The following ARHGEF12 variants were observed in gnomAD, a reference collection of about 807,000 sequenced individuals.
ARHGEF12 encodes the protein KMT2A/ARHGEF12 fusion protein.
ARHGEF12 carries 66 observed loss-of-function variants against 211.2 expected under a neutral mutation model. That is an observed-to-expected ratio of 0.31 (90% CI 0.26 to 0.38). The LOEUF (loss-of-function observed/expected upper bound fraction) is 0.38, where lower values mean the gene tolerates loss of function less well. ARHGEF12 is among the 10% of genes least tolerant of loss of function. ARHGEF12 has a pLI of 1.00. For missense variants in ARHGEF12, 1,429 were observed against 1,869.5 expected, an observed-to-expected ratio of 0.76 and a Z score of 4.34; for synonymous variants, 592 against 638.4, an observed-to-expected ratio of 0.93 and a Z score of 1.09.
At chr11:120,339,373 TCTCTG>T (rs1200119023) in intron 1 of ARHGEF12, among the ~76,000 whole-genome samples, 3 of 152,194 alleles carry the variant, frequency 2.0e-5, no homozygotes, top group Non-Finnish European at 4.4e-5. Flanking sequence ...TAGTATTATT[TCTCTG>T]CCAAGGTGTC....
Position 120,487,912 on chromosome 11 carries a change from C to T in ARHGEF12, c.*2835C>T, listed in dbSNP as rs1328199909. ...CTATATATTTTGCATACTTTAAAAT[C>T]ACCTAACTTGGACTGCTTGAATTAC... is the stretch of plus-strand genomic sequence containing the variant. On this transcript the variant is annotated 3_prime_UTR_variant, in exon 41 of 41. Coordinates refer to ENST00000397843, the MANE Select transcript of ARHGEF12 (RefSeq NM_015313.3). The T allele has an allele frequency of 1.4e-5, 3 of 220,460 alleles. No individual in the cohort carries two copies. The highest frequency in any genetic ancestry group is 1.8e-5 in the Non-Finnish European group (2 of 110,068). 13.7% of individuals were successfully genotyped at this position (220,460 alleles called of 1,614,324 possible).
At chr11:120,370,976 C>T (rs766291327) in intron 1 of ARHGEF12, among the ~76,000 whole-genome samples, 3 of 152,134 alleles carry the variant, frequency 2.0e-5, no homozygotes, top group Non-Finnish European at 4.4e-5. Flanking sequence ...CCCGCTTCGT[C>T]CTTCAAGAAT....
chr11:120,344,078 C>T (rs1019873008), intron 1 of ARHGEF12, among the ~76,000 whole-genome samples: 1 of 151,888 alleles, frequency 6.6e-6, no homozygotes, highest in Non-Finnish European at 1.5e-5. Context: ...CTAGCCTGGT[C>T]AGCATGGTGA....
intron 1 of ARHGEF12, among the ~76,000 whole-genome samples, chr11:120,344,707 T>G (rs1942650082): frequency 6.6e-6 from 1 of 152,186 alleles, no homozygotes; most frequent in Admixed American, 6.5e-5. Context: ...TATAATGATG[T>G]ATTATTATAT....
rs1345110274 is a variant in ARHGEF12 at position 120,489,758 on chromosome 11, C to T, written c.*4681C>T. 2.6e-5 allele frequency: 5 copies of T among 193,780 alleles called. No homozygotes were observed. The highest frequency in any genetic ancestry group is 1.9e-4 in the South Asian group (1 of 5,188). The allele number at this position is 193,780 out of a possible 1,614,324, so 12.0% of individuals were successfully genotyped here. A position where few individuals can be genotyped will look rare whatever the true frequency, so the allele number is the denominator to read the frequency against. On this transcript the variant is annotated 3_prime_UTR_variant, in exon 41 of 41. Coordinates refer to ENST00000397843, the MANE Select transcript of ARHGEF12 (RefSeq NM_015313.3). The stretch of plus-strand genomic sequence containing the variant: ...ATTAAGACTATTCAAATGTACTTTG[C>T]GGAAATTAACCTGTTTGTATGCCTG...
chr11:120,413,641 C>T (rs528415242), intron 4 of ARHGEF12, among the ~76,000 whole-genome samples: 1 of 152,270 alleles, frequency 6.6e-6, no homozygotes, highest in South Asian at 2.1e-4. Flanking sequence ...GCTGGCAAGA[C>T]TGTGCATTTA....
chr11:120,453,889 A>C (rs1946284319), intron 22 of ARHGEF12, among the ~76,000 whole-genome samples: 1 of 152,238 alleles, frequency 6.6e-6, no homozygotes, highest in African/African-American at 2.4e-5. Context: ...AAGAGCAAAA[A>C]TGATGAACTA....
chr11:120,341,647 T>C (rs1942540848), intron 1 of ARHGEF12, among the ~76,000 whole-genome samples: 1 of 152,206 alleles, frequency 6.6e-6, no homozygotes, highest in Non-Finnish European at 1.5e-5. Context: ...AAGGGACTCT[T>C]TTGCATCATG....
In ARHGEF12 at chr11:120,480,186, A is replaced by T; in HGVS notation, c.3993A>T (p.Ser1331=). ...DIATCYSPRT[S]TESFAPRDSV... ...CAACTTGTTACAGTCCACGGACTTC[A>T]ACTGAATCTTTTGCTCCACGGGATT... Residue 1331 remains serine (S), a synonymous_variant, in exon 38 of 41, where the codon TCA becomes TCT. Transcript: ENST00000397843. 1.2e-6 allele frequency: 2 copies of T among 1,614,246 alleles called. No individual in the cohort carries two copies. The highest frequency in any genetic ancestry group is 1.7e-6 in the Non-Finnish European group (2 of 1,180,046).
intron 13 of ARHGEF12, among the ~76,000 whole-genome samples, chr11:120,441,037 G>T (rs1273302862): frequency 3.3e-5 from 5 of 152,160 alleles, no homozygotes; most frequent in Admixed American, 6.5e-5. Flanking sequence ...AACCTCAGTT[G>T]GTCATGATAT....
chr11:120,472,831 A>G (rs1198656686), intron 30 of ARHGEF12, among the ~76,000 whole-genome samples: 4 of 151,346 alleles, frequency 2.6e-5, no homozygotes, highest in African/African-American at 9.7e-5. Flanking sequence ...ATTTTTTTTT[A>G]TTTTTAGTAG....
intron 6 of ARHGEF12, among the ~76,000 whole-genome samples, chr11:120,423,614 G>A (rs1487315594): frequency 6.6e-6 from 1 of 151,776 alleles, no homozygotes; most frequent in Non-Finnish European, 1.5e-5. Flanking sequence ...TTTTTTTCCA[G>A]GAAAAAGCCA....
intron 1 of ARHGEF12, among the ~76,000 whole-genome samples, chr11:120,346,247 A>G (rs557946189): frequency 1.3e-5 from 2 of 152,330 alleles, no homozygotes; most frequent in African/African-American, 4.8e-5. Flanking sequence ...ATCAAATTTC[A>G]GTGGCTTACA....
At chr11:120,416,915 C>T (rs1453526231) in intron 4 of ARHGEF12, among the ~76,000 whole-genome samples, 4 of 152,056 alleles carry the variant, frequency 2.6e-5, no homozygotes, top group Admixed American at 6.6e-5. Flanking sequence ...CTTCCAAATG[C>T]GCCCAGCCAG....
chr11:120,402,548 A>G (rs1408051318), intron 1 of ARHGEF12, among the ~76,000 whole-genome samples: 2 of 152,202 alleles, frequency 1.3e-5, no homozygotes, highest in Non-Finnish European at 2.9e-5. Flanking sequence ...ACCACTATCC[A>G]ATGTAAGAAA....
chr11:120,445,623 G>A (rs1345592053), intron 16 of ARHGEF12, among the ~76,000 whole-genome samples, 159 bp downstream of exon 16: 2 of 152,356 alleles, frequency 1.3e-5, no homozygotes, highest in African/African-American at 4.8e-5. Context: ...ATGAGGCCGG[G>A]CGTAGTGGCT....
chr11:120,386,080 C>T (rs980429476), intron 1 of ARHGEF12, among the ~76,000 whole-genome samples: 3 of 152,082 alleles, frequency 2.0e-5, no homozygotes, highest in African/African-American at 7.2e-5. Context: ...CCAATCTTAT[C>T]AACTTGAATT....
chr11:120,369,797 G>A (rs1339699256), intron 1 of ARHGEF12, among the ~76,000 whole-genome samples: 3 of 152,096 alleles, frequency 2.0e-5, no homozygotes. Context: ...TCACAATAAA[G>A]TAAAAAGAAA....
rs1303607844 is a variant in ARHGEF12 at position 120,480,410 on chromosome 11, A to T, written c.4217A>T (p.Asp1406Val). ...GDGAVNKEEK[D>V]VNLRISGNYL... ...GGAGCAGTTAACAAGGAAGAGAAGG[A>T]TGTTAATTTACGCATCTCAGGCAAG... The change falls in exon 38 of 41, where the codon GAT becomes GTT. Residue 1406 changes from aspartate to valine, a missense_variant. Physicochemically the swap from Asp to Val is radical, Grantham distance 152 (BLOSUM62 -3). Transcript: ENST00000397843. The T allele has an allele frequency of 6.2e-7, 1 of 1,609,154 alleles. No homozygotes were observed. Among genetic ancestry groups the T allele is most frequent in the Admixed American group, 1.7e-5 (1 of 59,570 alleles).
Sources: allele counts gnomAD v4.1 joint callset (sites outside exome capture counted in the v4.1 genomes callset), GRCh38; gene constraint gnomAD v4.1.1; transcripts MANE v1.5; gene names NCBI Gene and HGNC (gene_info 2026-07-23, HGNC 2026-07-21).